The following NEMP2 variants were observed in gnomAD, a reference collection of about 807,000 sequenced individuals.
The protein encoded by NEMP2 is UPF0571 transmembrane protein.
A neutral mutation model predicts 54.2 loss-of-function variants in NEMP2; 53 were observed. That is an observed-to-expected ratio of 0.98 (90% CI 0.78 to 1.23). The LOEUF is 1.23. NEMP2 is among the 50% of genes most tolerant of loss of function. The pLI, the probability that NEMP2 is intolerant of heterozygous loss-of-function variation, is 0.00. For synonymous variants in NEMP2, 197 were observed against 190.3 expected (o/e 1.04, Z -0.29); for missense variants, 455 against 511.3 (o/e 0.89, Z 1.06).
At position 190,505,285 on chromosome 2, in the gene NEMP2, T is replaced by C. The variant is rs1690160503; in HGVS notation, c.*3904A>G. 6.6e-6 allele frequency: 1 copy of C among 152,222 alleles called. No individual in the cohort carries two copies. Among genetic ancestry groups the C allele is most frequent in the African/African-American group, 2.4e-5 (1 of 41,456 alleles). The allele number at this position is 152,222 out of a possible 1,614,324, so 9.4% of individuals were successfully genotyped here. A position where few individuals can be genotyped will look rare whatever the true frequency, so the allele number is the denominator to read the frequency against. ...AATTCTGATTCTACCACTTTAGCTA[T>C]ATGTGTCCTTCAGCAACTTTCTCCT... On this transcript the variant is annotated 3_prime_UTR_variant, in exon 9 of 9. Transcript: ENST00000409150. The surrounding 1 kb of genome is among the most constrained non-coding windows in gnomAD (Gnocchi z 5.8).
chr2:190,646,099 A>G, the NEMP2 span, among the ~76,000 whole-genome samples: 1 of 152,254 alleles, frequency 6.6e-6, no homozygotes, highest in African/African-American at 2.4e-5. Flanking sequence ...ACCAGGAGAA[A>G]CCAAAACTAT....
At chr2:190,489,916 A>G in the NEMP2 span, 30 of 1,443,892 alleles carry the variant, frequency 2.1e-5, no homozygotes, top group Non-Finnish European at 2.7e-5. This position sits in a 1 kb window ranked among gnomAD's most constrained non-coding sequence, Gnocchi z 6.6. Context: ...AGGCCATGGG[A>G]AGTCAACAAA....
chr2:190,429,564 G>A, the NEMP2 span, among the ~76,000 whole-genome samples: 3 of 151,908 alleles, frequency 2.0e-5, no homozygotes, highest in African/African-American at 7.3e-5. Flanking sequence ...TTGATCTCAG[G>A]TGATCCTCCC....
At chr2:190,501,558 A>G (rs1326241221), downstream of NEMP2, 1 of 152,228 alleles carries the variant, frequency 6.6e-6, no homozygotes, top group East Asian at 1.9e-4. Context: ...GCTGTGGATG[A>G]GCACAGGAGA....
the NEMP2 span, chr2:190,436,632 T>C: frequency 6.2e-7 from 1 of 1,614,164 alleles, no homozygotes. This position sits in a 1 kb window ranked among gnomAD's most constrained non-coding sequence, Gnocchi z 5.3. Context: ...AAAGAAACCT[T>C]TTGGAAACAA....
chr2:190,500,350 CATT>C (rs936842014), downstream of NEMP2: 6 of 899,018 alleles, frequency 6.7e-6, no homozygotes, highest in African/African-American at 1.7e-5. This position sits in a 1 kb window ranked among gnomAD's most constrained non-coding sequence, Gnocchi z 5.3. Context: ...TATCTAAACT[CATT>C]AACATGGAAA....
chr2:190,646,548 T>G, the NEMP2 span, among the ~76,000 whole-genome samples: 1 of 152,232 alleles, frequency 6.6e-6, no homozygotes, highest in African/African-American at 2.4e-5. Context: ...AATTTTATCT[T>G]TCCTTCATTT....
the NEMP2 span, chr2:190,435,954 A>G: frequency 6.7e-6 from 10 of 1,503,624 alleles, no homozygotes; most frequent in Admixed American, 1.8e-4. Flanking sequence ...TTACTAAGCC[A>G]TCTTTTAAAT....
chr2:190,478,566 A>C, the NEMP2 span, among the ~76,000 whole-genome samples: 1 of 152,202 alleles, frequency 6.6e-6, no homozygotes, highest in Non-Finnish European at 1.5e-5. Flanking sequence ...CCGTGTGCTT[A>C]AAGGAGACTC....
the NEMP2 span, among the ~76,000 whole-genome samples, chr2:190,568,902 A>G: frequency 1.3e-5 from 2 of 152,236 alleles, no homozygotes; most frequent in Non-Finnish European, 2.9e-5. The surrounding 1 kb of genome is among the most constrained non-coding windows in gnomAD (Gnocchi z 4.7). Flanking sequence ...TTGAAAGAAT[A>G]AGAAGAGAAT....
At chr2:190,454,674 C>G in the NEMP2 span, among the ~76,000 whole-genome samples, 12 of 152,102 alleles carry the variant, frequency 7.9e-5, no homozygotes, top group Non-Finnish European at 4.4e-5. This position sits in a 1 kb window ranked among gnomAD's most constrained non-coding sequence, Gnocchi z 4.6. Context: ...AGCTCCAGAA[C>G]TATAAGAAAT....
the NEMP2 span, among the ~76,000 whole-genome samples, chr2:190,624,342 T>C: frequency 6.6e-6 from 1 of 152,140 alleles, no homozygotes; most frequent in Non-Finnish European, 1.5e-5. Flanking sequence ...ACCCATACAT[T>C]GTTGATAGGA....
the NEMP2 span, among the ~76,000 whole-genome samples, chr2:190,636,663 G>A: frequency 6.6e-6 from 1 of 152,150 alleles, no homozygotes; most frequent in Non-Finnish European, 1.5e-5. Context: ...TACCCCAGGG[G>A]CTTGTTCCAT....
At chr2:190,480,027 G>C in the NEMP2 span, among the ~76,000 whole-genome samples, 37 of 152,266 alleles carry the variant, frequency 2.4e-4, no homozygotes, top group African/African-American at 8.4e-4. Flanking sequence ...GCTAGGCATG[G>C]TGGCATGCGC....
At chr2:190,434,882 G>A in the NEMP2 span, among the ~76,000 whole-genome samples, 1 of 152,222 alleles carries the variant, frequency 6.6e-6, no homozygotes, top group Non-Finnish European at 1.5e-5. The surrounding 1 kb of genome is among the most constrained non-coding windows in gnomAD (Gnocchi z 4.3). Flanking sequence ...CACAGCAAGA[G>A]CGGGCCAGCA....
the NEMP2 span, among the ~76,000 whole-genome samples, chr2:190,431,020 CCA>C: frequency 8.8e-6 from 1 of 113,672 alleles, no homozygotes; most frequent in Non-Finnish European, 2.1e-5. This position sits in a 1 kb window ranked among gnomAD's most constrained non-coding sequence, Gnocchi z 4.4. Flanking sequence ...TCCTCACCTC[CCA>C]GACGGGGTCG....
chr2:190,473,741 C>T, the NEMP2 span, among the ~76,000 whole-genome samples: 1 of 152,202 alleles, frequency 6.6e-6, no homozygotes, highest in South Asian at 2.1e-4. Flanking sequence ...CTACAGAACT[C>T]TCCACCCCAA....
intron 5 of NEMP2, 75 bp from the exon 6 acceptor site, chr2:190,516,459 C>A: frequency 8.9e-7 from 1 of 1,118,090 alleles, no homozygotes; most frequent in Non-Finnish European, 1.3e-6. Flanking sequence ...AACAAATAAA[C>A]CTTTTGTATT....
chr2:190,547,507 T>TA, the NEMP2 span, among the ~76,000 whole-genome samples: 1 of 152,184 alleles, frequency 6.6e-6, no homozygotes, highest in Admixed American at 6.5e-5. The surrounding 1 kb of genome is among the most constrained non-coding windows in gnomAD (Gnocchi z 6.2). Flanking sequence ...ATTTCCTAAA[T>TA]AGCAAAATTG....
Sources: allele counts gnomAD v4.1 joint callset (sites outside exome capture counted in the v4.1 genomes callset), GRCh38; gene constraint gnomAD v4.1.1; non-coding constraint Gnocchi (gnomAD v3.1); transcripts MANE v1.5; gene names NCBI Gene and HGNC (gene_info 2026-07-23, HGNC 2026-07-21).